The following CDH18 variants were observed in gnomAD, a reference collection of about 807,000 sequenced individuals.
The protein encoded by CDH18 is cadherin-18.
A neutral mutation model predicts 67.9 loss-of-function variants in CDH18; 31 were observed. That is an observed-to-expected ratio of 0.46 (90% confidence interval 0.34 to 0.62). CDH18 has a LOEUF of 0.62. Among genes scored for constraint, CDH18 ranks in the 20% least tolerant of loss-of-function variants. The probability of loss-of-function intolerance (pLI) is 0.01; values close to 1 mark genes in which losing one functional copy is unlikely to be tolerated. For missense variants in CDH18, 890 were observed against 975.5 expected (o/e 0.91, Z 1.17); for synonymous variants, 362 against 347.2 (o/e 1.04, Z -0.48).
chr5:20,484,688 A>G (rs1376508012), intron 1 of CDH18, among the ~76,000 whole-genome samples: 1 of 152,118 alleles, frequency 6.6e-6, no homozygotes, highest in African/African-American at 2.4e-5. Context: ...CAAAAAGACA[A>G]ACTGACATAA....
intron 1 of CDH18, chr5:20,304,835 T>C: frequency 6.2e-7 from 1 of 1,611,574 alleles, no homozygotes; most frequent in Non-Finnish European, 8.5e-7. Flanking sequence ...TCAGAATTCC[T>C]GCCACTGTTG....
At chr5:20,523,504 C>T (rs1404673507) in intron 1 of CDH18, among the ~76,000 whole-genome samples, 2 of 152,134 alleles carry the variant, frequency 1.3e-5, no homozygotes, top group African/African-American at 4.8e-5. Flanking sequence ...GGTAATTTCT[C>T]ATATGCTGGA....
chr5:20,481,197 CT>C (rs1320495816), intron 1 of CDH18, among the ~76,000 whole-genome samples: 1 of 145,464 alleles, frequency 6.9e-6, no homozygotes. Flanking sequence ...ATTCAGACAA[CT>C]TTTTAAGCCA....
intron 3 of CDH18, among the ~76,000 whole-genome samples, chr5:19,800,565 G>C (rs1457669402): frequency 6.6e-6 from 1 of 151,976 alleles, no homozygotes; most frequent in African/African-American, 2.4e-5. Context: ...AAGAATAAAT[G>C]TATCAGTATT....
chr5:19,591,036 C>T (rs1745035819), intron 7 of CDH18, 21 bp downstream of exon 7: 9 of 1,500,464 alleles, frequency 6.0e-6, no homozygotes, highest in Non-Finnish European at 8.1e-6. Flanking sequence ...GCCTGAATCA[C>T]AAAAAGTATG....
chr5:20,197,389 C>G (rs1739065539), intron 2 of CDH18, among the ~76,000 whole-genome samples: 1 of 152,106 alleles, frequency 6.6e-6, no homozygotes, highest in Non-Finnish European at 1.5e-5. Flanking sequence ...GACAATGAAT[C>G]AAAATATATG....
intron 1 of CDH18, among the ~76,000 whole-genome samples, chr5:20,344,932 T>C (rs1740583375): frequency 6.6e-6 from 1 of 152,210 alleles, no homozygotes; most frequent in South Asian, 2.1e-4. Flanking sequence ...GCATTTGTTC[T>C]AACTTGCATA....
At chr5:19,939,275 T>A (rs1018625044) in intron 2 of CDH18, among the ~76,000 whole-genome samples, 7 of 151,488 alleles carry the variant, frequency 4.6e-5, no homozygotes, top group African/African-American at 1.7e-4. Flanking sequence ...AATCTAGCAG[T>A]AGTCTATAGC....
At chr5:20,042,892 G>A (rs1353704906) in intron 2 of CDH18, among the ~76,000 whole-genome samples, 2 of 151,970 alleles carry the variant, frequency 1.3e-5, no homozygotes, top group African/African-American at 4.8e-5. Flanking sequence ...AACCCGGGAG[G>A]CAGAGCTTGC....
At chr5:19,608,145 T>G (rs1055233101) in intron 6 of CDH18, among the ~76,000 whole-genome samples, 1 of 151,664 alleles carries the variant, frequency 6.6e-6, no homozygotes, top group African/African-American at 2.4e-5. Flanking sequence ...AGGAATAAAC[T>G]TGAATGAAAT....
chr5:19,772,839 G>A (rs1773876774), intron 3 of CDH18, among the ~76,000 whole-genome samples: 1 of 152,106 alleles, frequency 6.6e-6, no homozygotes, highest in African/African-American at 2.4e-5. Flanking sequence ...GTATGCACAG[G>A]CATAATGACT....
chr5:19,523,820 C>A (rs1438711898), intron 9 of CDH18, among the ~76,000 whole-genome samples: 2 of 151,980 alleles, frequency 1.3e-5, no homozygotes, highest in African/African-American at 2.4e-5. Context: ...ACTATCAGTA[C>A]AATTAATGGC....
At chr5:19,701,425 G>A (rs866040611) in intron 5 of CDH18, among the ~76,000 whole-genome samples, 2 of 152,256 alleles carry the variant, frequency 1.3e-5, no homozygotes, top group Middle Eastern at 3.4e-3. Context: ...CCCAAAGAGT[G>A]AGGGAGATGA....
At chr5:19,921,794 TA>T (rs1792511920) in intron 2 of CDH18, among the ~76,000 whole-genome samples, 1 of 152,172 alleles carries the variant, frequency 6.6e-6, no homozygotes, top group South Asian at 2.1e-4. Flanking sequence ...AGATAATTTT[TA>T]AAATTATGTT....
chr5:20,243,895 C>G (rs1743178257), intron 2 of CDH18, among the ~76,000 whole-genome samples: 1 of 152,014 alleles, frequency 6.6e-6, no homozygotes, highest in African/African-American at 2.4e-5. Context: ...ATGAATGAAT[C>G]AGAGGCCCAG....
At chr5:20,112,533 AAAAT>A (rs1747563902) in intron 2 of CDH18, among the ~76,000 whole-genome samples, 1 of 152,068 alleles carries the variant, frequency 6.6e-6, no homozygotes, top group Non-Finnish European at 1.5e-5. Flanking sequence ...TAGCTATTGA[AAAAT>A]AAATCCCCAA....
chr5:20,567,826 T>C (rs1758600490), intron 1 of CDH18, among the ~76,000 whole-genome samples: 1 of 152,170 alleles, frequency 6.6e-6, no homozygotes. Context: ...TTTTCTTCCT[T>C]GTCTACTAGA....
chr5:20,473,211 T>C (rs1047091413), intron 1 of CDH18, among the ~76,000 whole-genome samples: 13 of 152,146 alleles, frequency 8.5e-5, no homozygotes, highest in Admixed American at 3.3e-4. Flanking sequence ...TTAATGAAGA[T>C]ATTTGTTAAA....
intron 2 of CDH18, among the ~76,000 whole-genome samples, chr5:20,054,601 T>A (rs1031973089): frequency 2.0e-5 from 3 of 152,184 alleles, no homozygotes; most frequent in African/African-American, 7.2e-5. Flanking sequence ...TAGTTTCTGC[T>A]GCATTATACC....
Sources: gnomAD v4.1 joint callset for allele counts (sites outside exome capture counted in the v4.1 genomes callset) on GRCh38, gnomAD v4.1.1 for gene constraint, MANE v1.5 for transcripts, NCBI Gene and HGNC (gene_info 2026-07-23, HGNC 2026-07-21) for gene names.